Variants in MAP1B observed in about 807,000 individuals in gnomAD.
MAP1B encodes the protein microtubule-associated protein 1B.
In MAP1B, 12 loss-of-function variants were observed where a neutral mutation model predicts 176.1. The observed-to-expected ratio is 0.07, with a 90% CI of 0.04 to 0.11. The LOEUF (loss-of-function observed/expected upper bound fraction) is 0.11, where lower values mean the gene tolerates loss of function less well. Ranked by LOEUF, MAP1B falls within the 10% of genes least tolerant of loss-of-function variation. MAP1B has a pLI of 1.00. For synonymous variants in MAP1B, 1,044 were observed against 1,135.0 expected, an observed-to-expected ratio of 0.92 and a Z score of 1.61; for missense variants, 2,523 against 2,990.5, an observed-to-expected ratio of 0.84 and a Z score of 3.65.
intron 2 of MAP1B, among the ~76,000 whole-genome samples, chr5:72,144,221 C>T (rs1279744303): frequency 6.6e-6 from 1 of 152,092 alleles, no homozygotes; most frequent in Non-Finnish European, 1.5e-5. Context: ...AATCTAGTCA[C>T]TAAGCTTGTT....
rs539656274 is a variant in MAP1B at position 72,144,304 on chromosome 5, G to A, written c.286+28505G>A. On this transcript the variant is annotated intron_variant, in intron 2 of 6. Transcript: ENST00000296755. ...AATCTTCCCTAAGGAGTCTTCCGTC[G>A]TATAAAGTCTTTGAGCTGTAAGTGC... 5.3e-5 allele frequency among the ~76,000 whole-genome samples: 8 copies of A among 152,300 alleles called. No homozygotes were observed. In the East Asian group the frequency reaches 5.8e-4, roughly 11 times the overall value.
intron 2 of MAP1B, among the ~76,000 whole-genome samples, chr5:72,129,200 G>A (rs762662072): frequency 6.6e-6 from 1 of 152,182 alleles, no homozygotes; most frequent in African/African-American, 2.4e-5. Context: ...GTGTGTATGT[G>A]TATGGCTTTG....
At chr5:72,162,790 C>T (rs1213431708) in intron 2 of MAP1B, among the ~76,000 whole-genome samples, 1 of 152,120 alleles carries the variant, frequency 6.6e-6, no homozygotes. Context: ...TGAATGCATG[C>T]GGGCAGAATA....
chr5:72,138,606 T>G (rs533055967), intron 2 of MAP1B, among the ~76,000 whole-genome samples: 2 of 152,318 alleles, frequency 1.3e-5, no homozygotes, highest in Non-Finnish European at 2.9e-5. Flanking sequence ...TGTGAAAAAC[T>G]GGAAAAAAAC....
chr5:72,195,395 GA>G lies in MAP1B; in HGVS notation c.2046del (p.Glu683LysfsTer39). On this transcript the variant is annotated frameshift_variant, in exon 5 of 7. Transcript: ENST00000296755. LOFTEE classifies it high-confidence loss of function. ...AGGAAAAACCAAAAAAGGAAGAGGT[GA>G]AAAAAGAAGTCAAAAAAGAGATCAA... The part of the protein sequence containing the change: ...KEEKPKKEEV[K>X]KEVKKEIKKE... 6.4e-7 allele frequency: 1 copy of G among 1,558,282 alleles called. No individual in the cohort carries two copies. The highest frequency in any genetic ancestry group is 8.6e-7 in the Non-Finnish European group (1 of 1,156,846).
intron 3 of MAP1B, among the ~76,000 whole-genome samples, chr5:72,184,313 A>C (rs939480335): frequency 7.2e-5 from 11 of 152,236 alleles, no homozygotes; most frequent in African/African-American, 2.7e-4. Context: ...ATGGGCTGGC[A>C]CCAGGTCACC....
At chr5:72,129,413 C>T (rs1187665540) in intron 2 of MAP1B, among the ~76,000 whole-genome samples, 5 of 152,040 alleles carry the variant, frequency 3.3e-5, no homozygotes, top group Non-Finnish European at 7.4e-5. Context: ...AAAAATTAGC[C>T]AGGCGTGGTG....
rs141795439 is a variant in MAP1B at position 72,172,135 on chromosome 5, G to T, written c.287-11608G>T. Among the ~76,000 whole-genome samples, 880 of 152,284 alleles carry T rather than the reference G, an allele frequency of 5.8e-3. 2 individuals carry two copies. Among genetic ancestry groups the T allele is most frequent in the Non-Finnish European group, 1.0e-2 (677 of 68,018 alleles). Reference sequence around the variant, plus strand: ...ACCTGTACATTACTTATTACAGATGGTGGCAGCTGAGGCACCACTTCAGCC... The same window carrying T: ...ACCTGTACATTACTTATTACAGATGTTGGCAGCTGAGGCACCACTTCAGCC... On this transcript the variant is annotated intron_variant, in intron 2 of 6. Transcript: ENST00000296755.
At chr5:72,158,964 G>A (rs767381691) in intron 2 of MAP1B, among the ~76,000 whole-genome samples, 5 of 152,138 alleles carry the variant, frequency 3.3e-5, no homozygotes, top group Non-Finnish European at 5.9e-5. Flanking sequence ...CACATGCCAG[G>A]CTTCTTACCT....
At chr5:72,150,745 A>T (rs913271242) in intron 2 of MAP1B, among the ~76,000 whole-genome samples, 4 of 152,230 alleles carry the variant, frequency 2.6e-5, no homozygotes, top group Non-Finnish European at 5.9e-5. Context: ...AAGTGAGAAC[A>T]TACAGTATTT....
intron 2 of MAP1B, among the ~76,000 whole-genome samples, chr5:72,166,279 T>A (rs577144038): frequency 3.9e-5 from 6 of 152,314 alleles, no homozygotes; most frequent in African/African-American, 1.4e-4. Flanking sequence ...ACTGATTTCA[T>A]GATCGTCAAC....
chr5:72,199,214 T>A lies in MAP1B; in HGVS notation c.5859T>A (p.Gly1953=), dbSNP rs3805452. 16 of 1,613,676 alleles carry A rather than the reference T, an allele frequency of 9.9e-6. No homozygotes were observed. Among genetic ancestry groups the A allele is most frequent in the Non-Finnish European group, 1.4e-5 (16 of 1,179,954 alleles). ...AGACCACACGGACCCCTGAAGAGGGTGGGTACTCATATGACATAAGTGAAA... is the reference window on the plus strand; with the variant it reads ...AGACCACACGGACCCCTGAAGAGGGAGGGTACTCATATGACATAAGTGAAA... ...IEKTTRTPEE[G]GYSYDISEKT... Residue 1953 remains glycine (G), a synonymous_variant, in exon 5 of 7, where the codon GGT becomes GGA. Coordinates refer to ENST00000296755, the MANE Select transcript of MAP1B (RefSeq NM_005909.5). This position sits in a 1 kb window ranked among gnomAD's most constrained non-coding sequence, Gnocchi z 4.2.
At chr5:72,170,466 C>A (rs1033351079) in intron 2 of MAP1B, among the ~76,000 whole-genome samples, 1 of 151,920 alleles carries the variant, frequency 6.6e-6, no homozygotes, top group Non-Finnish European at 1.5e-5. Flanking sequence ...TGCTGAAATA[C>A]AGGGTTTGGA....
intron 2 of MAP1B, among the ~76,000 whole-genome samples, chr5:72,129,941 C>T (rs1410138248): frequency 2.6e-5 from 4 of 152,018 alleles, no homozygotes; most frequent in East Asian, 1.9e-4. Context: ...AACATTCCAG[C>T]GTATAAATAT....
chr5:72,171,635 A>G (rs544356412), intron 2 of MAP1B, among the ~76,000 whole-genome samples: 187 of 152,296 alleles, frequency 1.2e-3, no homozygotes, highest in South Asian at 3.5e-3. Flanking sequence ...TTTGGGATTC[A>G]ATCAAACCCA....
intron 2 of MAP1B, among the ~76,000 whole-genome samples, chr5:72,154,424 A>G (rs1746193921): frequency 6.6e-6 from 1 of 152,248 alleles, no homozygotes; most frequent in African/African-American, 2.4e-5. Flanking sequence ...ACACAGGAGT[A>G]GTATCTATAT....
intron 4 of MAP1B, among the ~76,000 whole-genome samples, chr5:72,192,480 T>C (rs1180777258): frequency 6.6e-6 from 1 of 152,246 alleles, no homozygotes; most frequent in Admixed American, 6.5e-5. Context: ...AGGACTAATA[T>C]GCTAACAAAA....
chr5:72,112,002 G>T (rs1745351829), intron 1 of MAP1B, among the ~76,000 whole-genome samples: 1 of 151,998 alleles, frequency 6.6e-6, no homozygotes, highest in Non-Finnish European at 1.5e-5. Flanking sequence ...GAAAAAATAA[G>T]AATTTTTTCC....
At position 72,139,509 on chromosome 5, in the gene MAP1B, G is replaced by A. The variant is rs150659459; in HGVS notation, c.286+23710G>A. On this transcript the variant is annotated intron_variant, in intron 2 of 6. Transcript: ENST00000296755. ...CCTGCAAGGTAAGATGTAAGTCTCC[G>A]GGGTGTCTGGCCAATGCTGAAGCAG... Among the ~76,000 whole-genome samples the A allele has an allele frequency of 2.5e-3, 377 of 152,318 alleles. 4 individuals are homozygous for A. Among genetic ancestry groups the A allele is most frequent in the African/African-American group, 8.2e-3 (341 of 41,568 alleles).
Sources: allele counts gnomAD v4.1 joint callset (sites outside exome capture counted in the v4.1 genomes callset), GRCh38; gene constraint gnomAD v4.1.1; non-coding constraint Gnocchi (gnomAD v3.1); transcripts MANE v1.5; gene names NCBI Gene and HGNC (gene_info 2026-07-23, HGNC 2026-07-21).